The following ACCSL variants were observed in gnomAD, a reference collection of about 807,000 sequenced individuals.
ACCSL encodes the protein 1-aminocyclopropane-1-carboxylate synthase homolog (inactive) like, also known as probable inactive 1-aminocyclopropane-1-carboxylate synthase-like protein 2.
Under a neutral mutation model 61.7 loss-of-function variants are expected in ACCSL, and 55 were observed. That is an observed-to-expected ratio of 0.89 (90% CI 0.72 to 1.12). The LOEUF is 1.12. ACCSL is among the 50% of genes most tolerant of loss of function. ACCSL has a pLI of 0.00. For synonymous variants in ACCSL, 258 were observed against 264.3 expected (o/e 0.98, Z 0.23); for missense variants, 632 against 698.0 (o/e 0.91, Z 1.07).
intron 11 of ACCSL, 98 bp downstream of exon 11, chr11:44,056,424 G>A: frequency 1.4e-6 from 2 of 1,417,076 alleles, no homozygotes; most frequent in Non-Finnish European, 1.9e-6. Flanking sequence ...TTAATATACT[G>A]AGACCCTATT....
the ACCSL span, among the ~76,000 whole-genome samples, chr11:43,942,073 T>C: frequency 6.9e-4 from 94 of 136,638 alleles, no homozygotes; most frequent in South Asian, 3.7e-3. Context: ...TGTGTGTGTG[T>C]GTGCGCGCGC....
At chr11:43,922,476 G>A in the ACCSL span, among the ~76,000 whole-genome samples, 1 of 152,226 alleles carries the variant, frequency 6.6e-6, no homozygotes, top group East Asian at 1.9e-4. Context: ...TGACTTTCCT[G>A]TTCATCAGGG....
the ACCSL span, among the ~76,000 whole-genome samples, chr11:44,022,765 G>A: frequency 6.6e-6 from 1 of 152,072 alleles, no homozygotes; most frequent in Non-Finnish European, 1.5e-5. Context: ...GGATTTTTGT[G>A]TCTATATTCA....
chr11:43,944,860 C>G, the ACCSL span: 3 of 152,360 alleles, frequency 2.0e-5, no homozygotes, highest in Admixed American at 2.0e-4. Flanking sequence ...ACCCTCCCTC[C>G]AGGATTACTC....
At chr11:43,975,381 T>C in the ACCSL span, among the ~76,000 whole-genome samples, 1 of 152,254 alleles carries the variant, frequency 6.6e-6, no homozygotes, top group Non-Finnish European at 1.5e-5. Flanking sequence ...AAAAATGAGA[T>C]ATAAGATATG....
the ACCSL span, among the ~76,000 whole-genome samples, chr11:43,999,028 G>A: frequency 6.6e-6 from 1 of 152,098 alleles, no homozygotes; most frequent in African/African-American, 2.4e-5. Flanking sequence ...TTTACTATTA[G>A]CTGTGAAACC....
the ACCSL span, among the ~76,000 whole-genome samples, chr11:43,979,555 AT>A: frequency 6.6e-6 from 1 of 152,140 alleles, no homozygotes; most frequent in Non-Finnish European, 1.5e-5. Flanking sequence ...TTTTCAGAAC[AT>A]TCTCATTTTA....
chr11:44,031,226 G>T, the ACCSL span, among the ~76,000 whole-genome samples: 376 of 152,250 alleles, frequency 2.5e-3, 3 homozygotes, highest in African/African-American at 8.6e-3. Flanking sequence ...ATAAACGTTC[G>T]CACGTCATCC....
chr11:43,998,236 TGC>T, the ACCSL span, among the ~76,000 whole-genome samples: 1 of 152,222 alleles, frequency 6.6e-6, no homozygotes, highest in Non-Finnish European at 1.5e-5. Flanking sequence ...TGCCCTTCAG[TGC>T]AGCACTGTTA....
the ACCSL span, among the ~76,000 whole-genome samples, chr11:43,932,058 G>A: frequency 6.6e-6 from 1 of 152,170 alleles, no homozygotes; most frequent in African/African-American, 2.4e-5. Flanking sequence ...GTCCTATCCT[G>A]GGGCCAGGCT....
upstream of ACCSL, among the ~76,000 whole-genome samples, chr11:44,045,570 T>C (rs1213211436): frequency 6.6e-6 from 1 of 152,190 alleles, no homozygotes; most frequent in Non-Finnish European, 1.5e-5. Flanking sequence ...TTCAAACTAC[T>C]TTAAACAAGT....
chr11:43,933,051 C>T, the ACCSL span: 2 of 455,502 alleles, frequency 4.4e-6, no homozygotes, highest in Admixed American at 4.7e-5. Context: ...CTTGCTTCTG[C>T]GTTTCTGGCT....
the ACCSL span, among the ~76,000 whole-genome samples, chr11:43,966,291 T>A: frequency 6.6e-6 from 1 of 152,010 alleles, no homozygotes; most frequent in Non-Finnish European, 1.5e-5. Flanking sequence ...CTGGGCATAG[T>A]GGTGCATGCC....
the ACCSL span, among the ~76,000 whole-genome samples, chr11:44,024,462 T>C: frequency 1.3e-5 from 2 of 151,804 alleles, no homozygotes; most frequent in African/African-American, 4.8e-5. Context: ...TGTGTGTGTG[T>C]GTGTGTGTGT....
At chr11:43,946,855 A>G in the ACCSL span, among the ~76,000 whole-genome samples, 2 of 152,094 alleles carry the variant, frequency 1.3e-5, no homozygotes, top group Non-Finnish European at 2.9e-5. Context: ...GCAGTATTAG[A>G]GGGATCAGGC....
chr11:43,940,359 T>C, the ACCSL span, among the ~76,000 whole-genome samples: 2 of 124,680 alleles, frequency 1.6e-5, no homozygotes, highest in East Asian at 2.7e-4. Context: ...AAATTATATC[T>C]TTTTTTTTTT....
the ACCSL span, among the ~76,000 whole-genome samples, chr11:43,937,638 C>T: frequency 0.43 from 64,848 of 151,948 alleles, 14,411 homozygotes; most frequent in East Asian, 0.62. Context: ...ACTGTTCCAG[C>T]CCTCCTCTGG....
the ACCSL span, among the ~76,000 whole-genome samples, chr11:43,991,139 C>T: frequency 6.6e-6 from 1 of 152,142 alleles, no homozygotes; most frequent in Non-Finnish European, 1.5e-5. Flanking sequence ...CATTCATTCA[C>T]TCAACAAATA....
chr11:43,928,526 T>G, the ACCSL span, among the ~76,000 whole-genome samples: 4 of 152,200 alleles, frequency 2.6e-5, no homozygotes, highest in African/African-American at 9.6e-5. Flanking sequence ...GGAAACAGTC[T>G]GTGCTGCAGG....
Sources: gnomAD v4.1 joint callset for allele counts (sites outside exome capture counted in the v4.1 genomes callset) on GRCh38, gnomAD v4.1.1 for gene constraint, MANE v1.5 for transcripts, NCBI Gene and HGNC (gene_info 2026-07-23, HGNC 2026-07-21) for gene names.